SCYL2: variants seen among roughly 807,000 people sequenced by gnomAD.
The protein encoded by SCYL2 is SCY1-like protein 2.
In SCYL2, 36 loss-of-function variants were observed where a neutral mutation model predicts 100.4. The ratio of observed to expected loss-of-function variants is 0.36; its 90% CI spans 0.27 to 0.47. SCYL2 has a LOEUF of 0.47. Among genes scored for constraint, SCYL2 ranks in the 20% least tolerant of loss-of-function variants. The probability of loss-of-function intolerance (pLI) is 1.00; values close to 1 mark genes in which losing one functional copy is unlikely to be tolerated. For synonymous variants in SCYL2, 330 were observed against 359.2 expected, an observed-to-expected ratio of 0.92 and a Z score of 0.92; for missense variants, 902 against 1,083.9, an observed-to-expected ratio of 0.83 and a Z score of 2.36.
Position 100,338,843 on chromosome 12 carries a change from AG to A in SCYL2, c.2462del (p.Ser821MetfsTer33). 2 of 1,614,164 alleles carry A rather than the reference AG, an allele frequency of 1.2e-6. No homozygotes were observed. Among genetic ancestry groups the A allele is most frequent in the Non-Finnish European group, 1.7e-6 (2 of 1,179,988 alleles). On this transcript the variant is annotated frameshift_variant, in exon 18 of 18. Coordinates refer to ENST00000360820, the MANE Select transcript of SCYL2 (RefSeq NM_017988.6). LOFTEE classifies it high-confidence loss of function. ...PPTLPNFNAL[S>X]VPPAGAKQTQ... ...CACTTTGCCAAACTTCAATGCTTTG[AG>A]TGTTCCTCCTGCTGGTGCAAAGCAG... is the stretch of plus-strand genomic sequence containing the variant.
chr12:100,318,120 T>C (rs2096351258), intron 10 of SCYL2, among the ~76,000 whole-genome samples, 195 bp downstream of exon 10: 1 of 152,170 alleles, frequency 6.6e-6, no homozygotes, highest in Non-Finnish European at 1.5e-5. Flanking sequence ...ATCAGTGTAT[T>C]GTAAGTGAAA....
intron 1 of SCYL2, among the ~76,000 whole-genome samples, chr12:100,273,295 A>G (rs1456517467): frequency 6.6e-6 from 1 of 151,158 alleles, no homozygotes; most frequent in Non-Finnish European, 1.5e-5. Flanking sequence ...TATCCAGTTT[A>G]CTCCTCTAGC....
At chr12:100,294,355 C>A (rs1467876328) in intron 3 of SCYL2, among the ~76,000 whole-genome samples, 13 of 101,090 alleles carry the variant, frequency 1.3e-4, no homozygotes, top group Admixed American at 1.8e-4. Flanking sequence ...CCTCACCTCC[C>A]AGACGGGGCG....
intron 10 of SCYL2, among the ~76,000 whole-genome samples, chr12:100,322,372 CAAAAAAAAA>C (rs34959294): frequency 4.5e-4 from 28 of 61,824 alleles, no homozygotes; most frequent in African/African-American, 1.4e-3. Flanking sequence ...GACTCCGTCT[CAAAAAAAAA>C]AAAAAAAAAA....
chr12:100,274,561 CT>C (rs1480844631), intron 1 of SCYL2, among the ~76,000 whole-genome samples: 1 of 152,176 alleles, frequency 6.6e-6, no homozygotes, highest in Non-Finnish European at 1.5e-5. Context: ...ATCAAACTTC[CT>C]TGTGCTTTAC....
At chr12:100,310,238 C>T (rs1388883753) in intron 4 of SCYL2, among the ~76,000 whole-genome samples, 3 of 152,118 alleles carry the variant, frequency 2.0e-5, no homozygotes, top group Non-Finnish European at 2.9e-5. Flanking sequence ...ACCTGTGATC[C>T]GCCTGCCTCG....
At chr12:100,299,676 C>T (rs188309573) in intron 4 of SCYL2, among the ~76,000 whole-genome samples, 2 of 151,956 alleles carry the variant, frequency 1.3e-5, no homozygotes, top group East Asian at 3.9e-4. Context: ...TTGAGATTCA[C>T]ATGTTGTGTG....
rs1566361581 is a variant in SCYL2 at position 100,312,530 on chromosome 12, T to A, written c.729T>A (p.Cys243Ter). The stretch of plus-strand genomic sequence containing the variant: ...CTGAATACATACTTTCTGTGAGCTG[T>A]GAAACAGCCAGTGATATGTATTCTT... ...LAPEYILSVS[C>*]ETASDMYSLG... Residue 243 changes from cysteine to a stop codon, truncating the protein, a stop_gained, in exon 6 of 18, where the codon TGT becomes TGA. Coordinates refer to ENST00000360820, the MANE Select transcript of SCYL2 (RefSeq NM_017988.6). LOFTEE classifies it high-confidence loss of function. The A allele has an allele frequency of 6.2e-7, 1 of 1,613,574 alleles. No individual in the cohort carries two copies.
In SCYL2 at chr12:100,326,610, C is replaced by A; in HGVS notation, c.1510-12C>A. ...ACTTTTAATGACTAATGCAATTTAC[C>A]TCTTTTAATAGGTTCGTGTAAATTC... On this transcript the variant is annotated splice_polypyrimidine_tract_variant and intron_variant, in intron 11 of 17. Transcript: ENST00000360820. 6.4e-7 allele frequency: 1 copy of A among 1,552,772 alleles called. No individual in the cohort carries two copies.
intron 4 of SCYL2, among the ~76,000 whole-genome samples, chr12:100,299,261 A>C (rs891275235): frequency 1.1e-4 from 17 of 152,050 alleles, no homozygotes; most frequent in African/African-American, 3.6e-4. Context: ...CAACAAAAAT[A>C]ATATCTTCAG....
intron 3 of SCYL2, among the ~76,000 whole-genome samples, chr12:100,294,786 G>A (rs1187717992): frequency 1.0e-4 from 15 of 144,886 alleles, no homozygotes; most frequent in South Asian, 2.2e-4. Flanking sequence ...GCGGCTGGCC[G>A]GGCGGGGGGC....
rs1222284460 is a variant in SCYL2, at chr12:100,326,612, C to G, written c.1510-10C>G. 1.9e-6 allele frequency: 3 copies of G among 1,575,028 alleles called. No homozygotes were observed. The highest frequency in any genetic ancestry group is 2.6e-6 in the Non-Finnish European group (3 of 1,165,804). On this transcript the variant is annotated splice_polypyrimidine_tract_variant and intron_variant, in intron 11 of 17. Transcript: ENST00000360820. Reference sequence around the variant, plus strand: ...TTTTAATGACTAATGCAATTTACCTCTTTTAATAGGTTCGTGTAAATTCAT... The same window carrying G: ...TTTTAATGACTAATGCAATTTACCTGTTTTAATAGGTTCGTGTAAATTCAT...
At chr12:100,281,411 G>A (rs1310112854) in intron 1 of SCYL2, among the ~76,000 whole-genome samples, 2 of 152,060 alleles carry the variant, frequency 1.3e-5, no homozygotes, top group Non-Finnish European at 2.9e-5. Flanking sequence ...TTTGGGCTAG[G>A]TGTGGTGGCT....
In SCYL2 at chr12:100,312,513, A is replaced by C; in HGVS notation, c.712A>C (p.Ile238Leu). 1 of 1,613,916 alleles carries C rather than the reference A, an allele frequency of 6.2e-7. No homozygotes were observed. The highest frequency in any genetic ancestry group is 8.5e-7 in the Non-Finnish European group (1 of 1,179,910). Residue 238 changes from isoleucine to leucine, a missense_variant, in exon 6 of 18, where the codon ATA (isoleucine) becomes CTA (leucine). Physicochemically the swap from Ile to Leu is conservative, Grantham distance 5 (BLOSUM62 2). Transcript: ENST00000360820. Reference sequence around the variant, plus strand: ...TCCTGAATATTTGGCTCCTGAATACATACTTTCTGTGAGCTGTGAAACAGC... The same window carrying C: ...TCCTGAATATTTGGCTCCTGAATACCTACTTTCTGTGAGCTGTGAAACAGC... Reference protein sequence around the residue: ...PNPEYLAPEYILSVSCETASD... With the variant: ...PNPEYLAPEYLLSVSCETASD...
chr12:100,289,978 G>A (rs2096308679), intron 2 of SCYL2, among the ~76,000 whole-genome samples: 2 of 152,204 alleles, frequency 1.3e-5, no homozygotes, highest in Non-Finnish European at 2.9e-5. Flanking sequence ...TTGATCAGAT[G>A]TGTGTCAGCA....
In SCYL2 at chr12:100,334,128, T is replaced by C. The variant is rs77575722; in HGVS notation, c.1762-38T>C. 2,069 of 1,178,810 alleles carry C rather than the reference T, an allele frequency of 1.8e-3. 23 individuals carry two copies. In the African/African-American group the frequency reaches 0.028, roughly 16 times the overall value. 73.0% of individuals were successfully genotyped at this position (1,178,810 alleles called of 1,614,324 possible). A position where few individuals can be genotyped will look rare whatever the true frequency, so the allele number is the denominator to read the frequency against. Reference sequence around the variant, plus strand: ...TAATTGATTACATTTGCTGCTAACTTGAAACATTGTAACCATATCAATTTC... The same window carrying C: ...TAATTGATTACATTTGCTGCTAACTCGAAACATTGTAACCATATCAATTTC... On this transcript the variant is annotated intron_variant, in intron 13 of 17. Coordinates refer to ENST00000360820, the MANE Select transcript of SCYL2 (RefSeq NM_017988.6).
At chr12:100,329,344 C>T (rs759971970) in intron 13 of SCYL2, 25 bp downstream of exon 13, 7 of 1,101,936 alleles carry the variant, frequency 6.4e-6, no homozygotes, top group Non-Finnish European at 6.9e-6. Context: ...GTGCTTTATT[C>T]ATTTTATTCA....
intron 4 of SCYL2, among the ~76,000 whole-genome samples, chr12:100,308,854 C>T (rs1214861598): frequency 1.3e-5 from 2 of 152,128 alleles, no homozygotes; most frequent in Admixed American, 1.3e-4. Flanking sequence ...CCCAGCATAG[C>T]TTTGCTTTCT....
At chr12:100,269,379 T>G (rs912567564) in intron 1 of SCYL2, among the ~76,000 whole-genome samples, 1 of 152,120 alleles carries the variant, frequency 6.6e-6, no homozygotes. Flanking sequence ...CAGGGAAGAC[T>G]TTCCTGATTA....
Sources: gnomAD v4.1 joint callset for allele counts (sites outside exome capture counted in the v4.1 genomes callset) on GRCh38, gnomAD v4.1.1 for gene constraint, MANE v1.5 for transcripts, NCBI Gene and HGNC (gene_info 2026-07-23, HGNC 2026-07-21) for gene names.